The following CRB1 variants were observed in gnomAD, a reference collection of about 807,000 sequenced individuals.
CRB1 encodes the protein protein crumbs homolog 1.
A neutral mutation model predicts 120.0 loss-of-function variants in CRB1; 83 were observed. The ratio of observed to expected loss-of-function variants is 0.69; its 90% CI spans 0.58 to 0.83. The LOEUF (loss-of-function observed/expected upper bound fraction) is 0.83. CRB1 is among the 40% of genes least tolerant of loss of function. The pLI, the probability that CRB1 is intolerant of heterozygous loss-of-function variation, is 0.00. For missense variants in CRB1, 1,699 were observed against 1,687.6 expected, an observed-to-expected ratio of 1.01 and a Z score of -0.12; for synonymous variants, 625 against 612.5, an observed-to-expected ratio of 1.02 and a Z score of -0.30.
At chr1:197,205,485 T>C in the CRB1 span, among the ~76,000 whole-genome samples, 3 of 152,192 alleles carry the variant, frequency 2.0e-5, no homozygotes, top group Non-Finnish European at 2.9e-5. Flanking sequence ...AAAATGCATT[T>C]TCTGTGTCTA....
At chr1:197,207,862 AG>A in the CRB1 span, among the ~76,000 whole-genome samples, 4 of 151,938 alleles carry the variant, frequency 2.6e-5, no homozygotes, top group Non-Finnish European at 5.9e-5. Context: ...AGTTATTCCT[AG>A]GTTTGGTCAT....
chr1:197,278,865 G>A (rs571618774), intron 1 of CRB1, among the ~76,000 whole-genome samples: 11 of 151,922 alleles, frequency 7.2e-5, no homozygotes, highest in African/African-American at 1.9e-4. Context: ...CTCCAGGCAC[G>A]TACACTGTAG....
At chr1:197,432,845 A>G (rs1454616153) in intron 8 of CRB1, among the ~76,000 whole-genome samples, 1 of 152,142 alleles carries the variant, frequency 6.6e-6, no homozygotes, top group African/African-American at 2.4e-5. Flanking sequence ...ATTAACACTA[A>G]GAAAAGCCAA....
At position 197,468,809 on chromosome 1, in the gene CRB1, C is replaced by G. The variant is rs180996861; in HGVS notation, c.4006-8855C>G. ...TGTAAGAGTTACAGGTGAGTGGAGT[C>G]ACATGGGCTTCTCTGGAGAGGCTTT... On this transcript the variant is annotated intron_variant, in intron 11 of 11. Coordinates refer to ENST00000367400, the MANE Select transcript of CRB1 (RefSeq NM_201253.3). Among the ~76,000 whole-genome samples the G allele has an allele frequency of 7.2e-5, 11 of 152,280 alleles. No individual in the cohort carries two copies. The East Asian group carries it at 9.6e-4, about 13-fold the overall frequency.
chr1:197,326,792 A>G (rs1207206946), intron 1 of CRB1, among the ~76,000 whole-genome samples: 1 of 152,126 alleles, frequency 6.6e-6, no homozygotes, highest in Non-Finnish European at 1.5e-5. Flanking sequence ...CAGGAAGGGC[A>G]TAGTTGGCAC....
chr1:197,335,126 G>A (rs1659079390), intron 2 of CRB1, among the ~76,000 whole-genome samples: 1 of 152,150 alleles, frequency 6.6e-6, no homozygotes, highest in Non-Finnish European at 1.5e-5. Flanking sequence ...CAGATGCAAA[G>A]GCCCTGAGGT....
intron 5 of CRB1, among the ~76,000 whole-genome samples, chr1:197,404,302 T>G (rs554292525): frequency 7.9e-5 from 12 of 152,102 alleles, no homozygotes; most frequent in African/African-American, 2.9e-4. Context: ...CTAAAAGTAG[T>G]GGAACTTCGG....
chr1:197,280,960 C>T (rs941612305), intron 1 of CRB1, among the ~76,000 whole-genome samples: 7 of 151,730 alleles, frequency 4.6e-5, no homozygotes, highest in Admixed American at 2.6e-4. Context: ...ACATCGGGGG[C>T]GGTCATTAAA....
intron 4 of CRB1, among the ~76,000 whole-genome samples, chr1:197,350,069 C>T (rs369426690): frequency 9.6e-4 from 143 of 149,350 alleles, no homozygotes; most frequent in African/African-American, 3.2e-3. Context: ...CACTGCAGTC[C>T]GCAGTCCGGC....
intron 5 of CRB1, among the ~76,000 whole-genome samples, chr1:197,370,569 T>G (rs1321615833): frequency 6.6e-6 from 1 of 152,180 alleles, no homozygotes; most frequent in Non-Finnish European, 1.5e-5. Context: ...GAATGATCAT[T>G]GGATCAACAA....
intron 5 of CRB1, among the ~76,000 whole-genome samples, chr1:197,368,151 A>G (rs1661176876): frequency 6.6e-6 from 1 of 152,196 alleles, no homozygotes; most frequent in Non-Finnish European, 1.5e-5. Flanking sequence ...GAAATTTTCA[A>G]TAGAATTTTT....
chr1:197,311,288 A>T (rs985662367), intron 1 of CRB1, among the ~76,000 whole-genome samples: 1 of 152,240 alleles, frequency 6.6e-6, no homozygotes, highest in African/African-American at 2.4e-5. Context: ...AGTCAGAAAG[A>T]GAAATGCAAA....
chr1:197,445,998 T>A (rs1357520582), intron 11 of CRB1, among the ~76,000 whole-genome samples: 1 of 152,106 alleles, frequency 6.6e-6, no homozygotes, highest in African/African-American at 2.4e-5. Context: ...AAGATCAGCC[T>A]GACAAACATG....
chr1:197,458,083 G>A (rs896881293), intron 11 of CRB1, among the ~76,000 whole-genome samples: 6 of 152,070 alleles, frequency 3.9e-5, no homozygotes, highest in Non-Finnish European at 5.9e-5. Context: ...AGGGATCACC[G>A]AACGAGGGTT....
intron 10 of CRB1, 102 bp from the exon 11 acceptor site, chr1:197,442,064 G>A (rs1217616966): frequency 2.3e-6 from 3 of 1,330,870 alleles, no homozygotes; most frequent in Non-Finnish European, 3.2e-6. Flanking sequence ...GGGTAGATAA[G>A]ACTGTGCTGT....
At chr1:197,368,320 ATCC>A (rs1197483220) in intron 5 of CRB1, among the ~76,000 whole-genome samples, 2 of 152,170 alleles carry the variant, frequency 1.3e-5, no homozygotes, top group African/African-American at 4.8e-5. Context: ...CTTTGCTTCT[ATCC>A]TCGTTTACTT....
intron 11 of CRB1, chr1:197,444,434 C>A (rs1361608655): frequency 1.3e-5 from 2 of 152,158 alleles, no homozygotes; most frequent in East Asian, 1.9e-4. Flanking sequence ...ATGGGGAAAA[C>A]CTTCCCATCA....
chr1:197,277,756 T>A (rs542307097), intron 1 of CRB1, among the ~76,000 whole-genome samples: 1 of 152,112 alleles, frequency 6.6e-6, no homozygotes, highest in South Asian at 2.1e-4. Context: ...ATTAGTTGTG[T>A]ATCTATAAAT....
At chr1:197,387,895 T>C (rs1662301233) in intron 5 of CRB1, among the ~76,000 whole-genome samples, 1 of 151,956 alleles carries the variant, frequency 6.6e-6, no homozygotes. Flanking sequence ...CAGATTCTCT[T>C]CTGAAATTGT....
Sources: allele counts gnomAD v4.1 joint callset (sites outside exome capture counted in the v4.1 genomes callset), GRCh38; gene constraint gnomAD v4.1.1; transcripts MANE v1.5; gene names NCBI Gene and HGNC (gene_info 2026-07-23, HGNC 2026-07-21).